The following RBFOX1 variants were observed in gnomAD, a reference collection of about 807,000 sequenced individuals.
RBFOX1 encodes RNA binding fox-1 homolog 1, also known as RNA binding protein fox-1 homolog 1.
Under a neutral mutation model 57.7 loss-of-function variants are expected in RBFOX1, and 8 were observed. That is an observed-to-expected ratio of 0.14 (90% CI 0.08 to 0.25). The LOEUF (loss-of-function observed/expected upper bound fraction) is 0.25, where lower values mean the gene tolerates loss of function less well. Among genes scored for constraint, RBFOX1 ranks in the 10% least tolerant of loss-of-function variants. RBFOX1 has a pLI of 1.00. For synonymous variants in RBFOX1, 326 were observed against 222.4 expected, an observed-to-expected ratio of 1.47 and a Z score of -4.15; for missense variants, 611 against 548.5, an observed-to-expected ratio of 1.11 and a Z score of -1.14.
intron 2 of RBFOX1, among the ~76,000 whole-genome samples, chr16:6,512,407 T>C (rs890967087): frequency 3.3e-5 from 5 of 151,886 alleles, no homozygotes; most frequent in Non-Finnish European, 7.4e-5. Flanking sequence ...TCGGGTAGGA[T>C]AGGGAATGCG....
chr16:7,092,015 A>G (rs2060943708), intron 4 of RBFOX1, among the ~76,000 whole-genome samples: 1 of 152,166 alleles, frequency 6.6e-6, no homozygotes, highest in Non-Finnish European at 1.5e-5. Flanking sequence ...TTGTAGTAAA[A>G]TTAGTCAATG....
At chr16:7,228,736 G>A (rs1370439706) in intron 4 of RBFOX1, among the ~76,000 whole-genome samples, 1 of 152,196 alleles carries the variant, frequency 6.6e-6, no homozygotes, top group East Asian at 1.9e-4. Context: ...ATTCCAAGGT[G>A]AAATGTGCAA....
upstream of RBFOX1, among the ~76,000 whole-genome samples, chr16:6,016,525 C>T (rs2094994807): frequency 6.6e-6 from 1 of 152,156 alleles, no homozygotes; most frequent in Non-Finnish European, 1.5e-5. Context: ...ATAGGAAGAT[C>T]CTAAGTTTTA....
At chr16:7,221,429 C>T (rs1306953864) in intron 4 of RBFOX1, among the ~76,000 whole-genome samples, 1 of 151,614 alleles carries the variant, frequency 6.6e-6, no homozygotes, top group Non-Finnish European at 1.5e-5. Flanking sequence ...TGCAGTGGCC[C>T]AATCTTGGCT....
chr16:6,287,330 G>A (rs1978315), intron 1 of RBFOX1, among the ~76,000 whole-genome samples: 118,295 of 152,082 alleles, frequency 0.78, 46,307 homozygotes, highest in East Asian at 0.99. Context: ...CTATTTGTTC[G>A]GACTTGAAGT....
chr16:6,636,967 T>G (rs1368666340), intron 2 of RBFOX1, among the ~76,000 whole-genome samples: 2 of 127,748 alleles, frequency 1.6e-5, no homozygotes, highest in African/African-American at 3.1e-5. Context: ...ATGTATATTA[T>G]GTATATTTAT....
At chr16:6,856,880 C>G (rs1603632942) in intron 3 of RBFOX1, among the ~76,000 whole-genome samples, 1 of 151,144 alleles carries the variant, frequency 6.6e-6, no homozygotes, top group Admixed American at 6.6e-5. Context: ...AATTCTGCTG[C>G]AAAATGTTAG....
At chr16:6,018,470 T>G (rs1276424361), upstream of RBFOX1, among the ~76,000 whole-genome samples, 1 of 152,104 alleles carries the variant, frequency 6.6e-6, no homozygotes, top group Non-Finnish European at 1.5e-5. Flanking sequence ...AGACATCTGC[T>G]AGGAGGACAA....
At chr16:7,173,987 G>C (rs1464051414) in intron 4 of RBFOX1, among the ~76,000 whole-genome samples, 2 of 152,170 alleles carry the variant, frequency 1.3e-5, no homozygotes, top group Non-Finnish European at 2.9e-5. Flanking sequence ...CCAAGAAAGA[G>C]TTCAGTCAAT....
At chr16:6,722,975 G>A (rs532618803) in intron 3 of RBFOX1, among the ~76,000 whole-genome samples, 1 of 152,138 alleles carries the variant, frequency 6.6e-6, no homozygotes, top group East Asian at 1.9e-4. Context: ...GCAAGTGATG[G>A]TATTTGACAC....
chr16:7,710,516 A>C, intron 15 of RBFOX1, 107 bp from the exon 16 acceptor site: 1 of 1,571,608 alleles, frequency 6.4e-7, no homozygotes, highest in Non-Finnish European at 8.6e-7. Flanking sequence ...GGGTGCCTCC[A>C]TTTCGGTTGG....
intron 1 of RBFOX1, among the ~76,000 whole-genome samples, chr16:6,174,639 T>G (rs1163747970): frequency 6.6e-6 from 1 of 152,042 alleles, no homozygotes; most frequent in Non-Finnish European, 1.5e-5. Flanking sequence ...AAGAAAAATA[T>G]AAAAGTTAGG....
rs530074379 is a variant in RBFOX1, at chr16:7,590,635, G to C, written c.468+3335G>C. 8.5e-5 allele frequency among the ~76,000 whole-genome samples: 13 copies of C among 152,056 alleles called. 1 individual carries two copies. Among genetic ancestry groups the C allele is most frequent in the Middle Eastern group, 6.8e-3 (2 of 294 alleles). Reference sequence around the variant, plus strand: ...AGCACTTTGGGAGGCCGAGGCAGGCGGATCACCTGAGGTCAGGAGTTCGAG... The same window carrying C: ...AGCACTTTGGGAGGCCGAGGCAGGCCGATCACCTGAGGTCAGGAGTTCGAG... On this transcript the variant is annotated intron_variant, in intron 7 of 15. Transcript: ENST00000550418.
Position 7,294,756 on chromosome 16 carries a change from A to G in RBFOX1, c.28-223391A>G, listed in dbSNP as rs374811962. 1.3e-4 allele frequency among the ~76,000 whole-genome samples: 20 copies of G among 150,934 alleles called. No homozygotes were observed. In the South Asian group the frequency reaches 4.0e-3, roughly 30 times the overall value. On this transcript the variant is annotated intron_variant, in intron 4 of 15. Coordinates refer to ENST00000550418, the MANE Select transcript of RBFOX1 (RefSeq NM_018723.4). ...ACAAAAGTGCTTACGAGGTTTAGAT[A>G]TTGTAAAAAATGATGAATATGATGA... is the stretch of plus-strand genomic sequence containing the variant.
At chr16:6,455,560 C>T (rs2094749811) in intron 2 of RBFOX1, among the ~76,000 whole-genome samples, 1 of 152,166 alleles carries the variant, frequency 6.6e-6, no homozygotes, top group African/African-American at 2.4e-5. Context: ...AAACGATCAC[C>T]ATAAAACTAT....
chr16:7,671,043 T>A (rs2071268387), intron 13 of RBFOX1, among the ~76,000 whole-genome samples: 1 of 152,214 alleles, frequency 6.6e-6, no homozygotes, highest in South Asian at 2.1e-4. Context: ...GTAGCTTCAG[T>A]GTAATTCATG....
intron 3 of RBFOX1, among the ~76,000 whole-genome samples, chr16:5,687,241 T>C (rs1278870196): frequency 1.3e-5 from 2 of 152,086 alleles, no homozygotes; most frequent in Non-Finnish European, 2.9e-5. Context: ...AGTGGAACAG[T>C]AGGAGGAAAA....
chr16:7,619,219 G>GA lies in RBFOX1; in HGVS notation c.677-11374dup, dbSNP rs562160507. ...CAATATCACTGATATTTCCTCTGGA[G>GA]AAAAAAAAAACTATTTGTATGATTC... On this transcript the variant is annotated intron_variant, in intron 10 of 15. Coordinates refer to ENST00000550418, the MANE Select transcript of RBFOX1 (RefSeq NM_018723.4). Among the ~76,000 whole-genome samples the GA allele has an allele frequency of 2.0e-4, 30 of 149,450 alleles. 1 individual carries two copies. Among genetic ancestry groups the GA allele is most frequent in the East Asian group, 1.2e-3 (6 of 5,092 alleles).
chr16:6,068,053 C>G (rs879457032), intron 1 of RBFOX1, among the ~76,000 whole-genome samples: 1 of 152,008 alleles, frequency 6.6e-6, no homozygotes, highest in African/African-American at 2.4e-5. Context: ...TCTCAGAGTT[C>G]TGTTTAATTG....
Sources: allele counts gnomAD v4.1 joint callset (sites outside exome capture counted in the v4.1 genomes callset), GRCh38; gene constraint gnomAD v4.1.1; transcripts MANE v1.5; gene names NCBI Gene and HGNC (gene_info 2026-07-23, HGNC 2026-07-21).